The following SLC16A11 variants were observed in gnomAD, a reference collection of about 807,000 sequenced individuals.
SLC16A11 encodes the protein solute carrier family 16 member 11, also known as monocarboxylate transporter 11.
In SLC16A11, 24 loss-of-function variants were observed where a neutral mutation model predicts 26.0. That is an observed-to-expected ratio of 0.92 (90% confidence interval 0.67 to 1.30). SLC16A11 has a LOEUF of 1.30. Ranked by LOEUF, SLC16A11 falls within the 50% of genes most tolerant of loss-of-function variation. The probability of loss-of-function intolerance (pLI) is 0.00; values close to 1 mark genes in which losing one functional copy is unlikely to be tolerated. For missense variants in SLC16A11, 638 were observed against 597.7 expected (o/e 1.07, Z -0.70); for synonymous variants, 332 against 296.0 (o/e 1.12, Z -1.25).
chr17:7,043,710 G>A (rs529712396), intron 1 of SLC16A11, 65 bp downstream of exon 1: 25 of 1,197,302 alleles, frequency 2.1e-5, no homozygotes, highest in Non-Finnish European at 2.7e-5. Flanking sequence ...CGAGGTACGG[G>A]GACGGGGACA....
intron 1 of SLC16A11, 127 bp from the exon 2 acceptor site, chr17:7,043,646 C>A: frequency 6.7e-7 from 1 of 1,486,344 alleles, no homozygotes; most frequent in Non-Finnish European, 8.9e-7. Flanking sequence ...AGCGCGATGG[C>A]GCGGGGCGGA....
chr17:7,042,378 GTGGGGA>G lies in SLC16A11; in HGVS notation c.726_731del (p.Pro243_His244del), dbSNP rs760541463. 15 of 1,566,262 alleles carry G rather than the reference GTGGGGA, an allele frequency of 9.6e-6. No individual in the cohort carries two copies. In the African/African-American group the frequency reaches 2.0e-4, roughly 21 times the overall value. On this transcript the variant is annotated inframe_deletion, in exon 4 of 5. Transcript: ENST00000574600. The surrounding 1 kb of genome is among the most constrained non-coding windows in gnomAD (Gnocchi z 5.9). ...ATCCCCCCAGGCCCCGGTCTAAAGC[GTGGGGA>G]GCCAAGTGCACGTAAGGAACGAAGT...
rs774414745 is a variant in SLC16A11 at position 7,042,853 on chromosome 17, C to G, written c.346+77G>C. On this transcript the variant is annotated intron_variant, in intron 3 of 4. Transcript: ENST00000574600. This position sits in a 1 kb window ranked among gnomAD's most constrained non-coding sequence, Gnocchi z 5.9. ...GGCTCTCCGCACCAGGCCCCCGCCT[C>G]GTTCGCTACCCCAGATCCCAACAAG... 1.1e-5 allele frequency: 17 copies of G among 1,595,460 alleles called. No individual in the cohort carries two copies. Among genetic ancestry groups the G allele is most frequent in the Middle Eastern group, 1.7e-4 (1 of 6,044 alleles).
At chr17:7,043,616 G>A (rs1174219328) in intron 1 of SLC16A11, 97 bp from the exon 2 acceptor site, 1 of 1,504,216 alleles carries the variant, frequency 6.6e-7, no homozygotes, top group Non-Finnish European at 8.8e-7. Context: ...CTGCTCGCCC[G>A]GGGTGGGCCC....
In SLC16A11 at chr17:7,042,171, G is replaced by A. The variant is rs745524237; in HGVS notation, c.939C>T (p.Ser313=). 1.1e-5 allele frequency: 18 copies of A among 1,570,646 alleles called. No individual in the cohort carries two copies. Among genetic ancestry groups the A allele is most frequent in the Non-Finnish European group, 1.4e-5 (16 of 1,160,042 alleles). ...GLVPVVGGEE[S]WGGPLLAAAV... ...CCGCGGCCAGCAGGGGACCCCCCCA[G>A]CTCTCTTCGCCGCCCACCACGGGCA... The change falls in exon 4 of 5, where the codon AGC becomes AGT. Residue 313 remains serine, a synonymous_variant. Coordinates refer to ENST00000574600, the MANE Select transcript of SLC16A11 (RefSeq NM_001370549.1). This position sits in a 1 kb window ranked among gnomAD's most constrained non-coding sequence, Gnocchi z 5.9.
Position 7,041,891 on chromosome 17 carries a change from T to C in SLC16A11, c.1132A>G (p.Thr378Ala). 6.2e-7 allele frequency: 1 copy of C among 1,613,922 alleles called. No homozygotes were observed. Among genetic ancestry groups the C allele is most frequent in the Non-Finnish European group, 8.5e-7 (1 of 1,179,916 alleles). The stretch of plus-strand genomic sequence containing the variant: ...AGGAAAGAGGCGGTGAAGTCTCCTG[T>C]CTCATCCCTTAGGAAGCCTGAGGAG... Reference protein sequence around the residue: ...PPLSGFLRDETGDFTASFLLS... With the variant: ...PPLSGFLRDEAGDFTASFLLS... The change falls in exon 5 of 5, where the codon ACA becomes GCA. Residue 378 changes from threonine (T) to alanine (A), a missense_variant. Thr to Ala is a moderately conservative substitution (Grantham distance 58). Coordinates refer to ENST00000574600, the MANE Select transcript of SLC16A11 (RefSeq NM_001370549.1).
At position 7,041,921 on chromosome 17, in the gene SLC16A11, G is replaced by A. The variant is rs767993808; in HGVS notation, c.1115-13C>T. On this transcript the variant is annotated splice_polypyrimidine_tract_variant and intron_variant, in intron 4 of 4. Coordinates refer to ENST00000574600, the MANE Select transcript of SLC16A11 (RefSeq NM_001370549.1). The stretch of plus-strand genomic sequence containing the variant: ...TCCCTTAGGAAGCCTGAGGAGATGG[G>A]TAAGGGCATTTAGAAGCCTCGAACC... 26 of 1,612,556 alleles carry A rather than the reference G, an allele frequency of 1.6e-5. No homozygotes were observed. In the South Asian group the frequency reaches 2.7e-4, roughly 17 times the overall value.
rs1910854424 is a variant in SLC16A11, at chr17:7,043,354, C to T, written c.160G>A (p.Ala54Thr). Residue 54 changes from alanine to threonine, a missense_variant, in exon 2 of 5, where the codon GCG becomes ACG. By Grantham distance (58) the Ala-to-Thr change is moderately conservative (BLOSUM62 0). Coordinates refer to ENST00000574600, the MANE Select transcript of SLC16A11 (RefSeq NM_001370549.1). ...EHFDRSAQDT[A>T]WISALALAVQ... is the part of the protein sequence containing the mutation. ...GCCAGGGCCAGGGCGCTGATCCACGCAGTGTCCTGGGCGCTTCGGTCAAAG... is the reference window on the plus strand; with the variant it reads ...GCCAGGGCCAGGGCGCTGATCCACGTAGTGTCCTGGGCGCTTCGGTCAAAG... The T allele has an allele frequency of 2.5e-6, 4 of 1,610,512 alleles. No individual in the cohort carries two copies. Among genetic ancestry groups the T allele is most frequent in the Non-Finnish European group, 3.4e-6 (4 of 1,179,870 alleles).
In SLC16A11 at chr17:7,042,851, C is replaced by A; in HGVS notation, c.346+79G>T. The A allele has an allele frequency of 6.3e-7, 1 of 1,593,990 alleles. No individual in the cohort carries two copies. The highest frequency in any genetic ancestry group is 8.5e-7 in the Non-Finnish European group (1 of 1,170,792). The stretch of plus-strand genomic sequence containing the variant: ...CCGGCTCTCCGCACCAGGCCCCCGC[C>A]TCGTTCGCTACCCCAGATCCCAACA... On this transcript the variant is annotated intron_variant, in intron 3 of 4. Transcript: ENST00000574600. The surrounding 1 kb of genome is among the most constrained non-coding windows in gnomAD (Gnocchi z 5.9).
Position 7,042,192 on chromosome 17 carries a change from G to T in SLC16A11, c.918C>A (p.Pro306=). 6.4e-7 allele frequency: 1 copy of T among 1,569,080 alleles called. No homozygotes were observed. The highest frequency in any genetic ancestry group is 1.2e-5 in the South Asian group (1 of 86,256). Residue 306 remains proline, a synonymous_variant, in exon 4 of 5, where the codon CCC becomes CCA. Transcript: ENST00000574600. This position sits in a 1 kb window ranked among gnomAD's most constrained non-coding sequence, Gnocchi z 5.9. ...GLGLWVVGLV[P]VVGGEESWGG... ...CCCAGCTCTCTTCGCCGCCCACCAC[G>T]GGCACCAGCCCCACCACCCACAGCC...
Position 7,042,827 on chromosome 17 carries a change from C to A in SLC16A11, c.347-64G>T, listed in dbSNP as rs1229605985. On this transcript the variant is annotated intron_variant, in intron 3 of 4. Coordinates refer to ENST00000574600, the MANE Select transcript of SLC16A11 (RefSeq NM_001370549.1). The surrounding 1 kb of genome is among the most constrained non-coding windows in gnomAD (Gnocchi z 5.9). ...GACGCCCGCCCCAGCATTCCCAGCCCGGCTCTCCGCACCAGGCCCCCGCCT... is the reference window on the plus strand; with the variant it reads ...GACGCCCGCCCCAGCATTCCCAGCCAGGCTCTCCGCACCAGGCCCCCGCCT... The A allele has an allele frequency of 6.4e-7, 1 of 1,567,446 alleles. No individual in the cohort carries two copies. Among genetic ancestry groups the A allele is most frequent in the Admixed American group, 1.9e-5 (1 of 53,458 alleles).
chr17:7,042,695 C>T lies in SLC16A11; in HGVS notation c.415G>A (p.Val139Ile), dbSNP rs1023411267. ...GTGAGCGCCAGCCCCACCGCCAAGA[C>T]TCGACGGCGGGAGAAGTAACGCGAG... ...TLSRYFSRRR[V>I]LAVGLALTGN... The change falls in exon 4 of 5, where the codon GTC becomes ATC. Residue 139 changes from valine (V) to isoleucine (I), a missense_variant. By Grantham distance (29) the Val-to-Ile change is conservative (BLOSUM62 3). Coordinates refer to ENST00000574600, the MANE Select transcript of SLC16A11 (RefSeq NM_001370549.1). This position sits in a 1 kb window ranked among gnomAD's most constrained non-coding sequence, Gnocchi z 5.9. The T allele has an allele frequency of 6.4e-7, 1 of 1,551,200 alleles. No homozygotes were observed.
rs1443006706 is a variant in SLC16A11 at position 7,041,835 on chromosome 17, G to A, written c.1188C>T (p.Ser396=). 1.9e-6 allele frequency: 3 copies of A among 1,614,024 alleles called. No homozygotes were observed. The highest frequency in any genetic ancestry group is 2.5e-6 in the Non-Finnish European group (3 of 1,179,970). Residue 396 remains serine, a synonymous_variant, in exon 5 of 5, where the codon AGC becomes AGT. Coordinates refer to ENST00000574600, the MANE Select transcript of SLC16A11 (RefSeq NM_001370549.1). ...LLSGSLILSG[S]FIYIGLPRAL... The stretch of plus-strand genomic sequence containing the variant: ...CCCTGGGCAACCCTATGTAGATGAA[G>A]CTGCCGGAGAGGATCAAAGAACCAG...
Position 7,043,069 on chromosome 17 carries a change from G to A in SLC16A11, c.207C>T (p.Pro69=), listed in dbSNP as rs1276376958. 1.9e-6 allele frequency: 3 copies of A among 1,545,344 alleles called. No homozygotes were observed. Among genetic ancestry groups the A allele is most frequent in the Non-Finnish European group, 2.6e-6 (3 of 1,145,400 alleles). Residue 69 remains proline (P), a synonymous_variant, in exon 3 of 5, where the codon CCC becomes CCT. Coordinates refer to ENST00000574600, the MANE Select transcript of SLC16A11 (RefSeq NM_001370549.1). Reference sequence around the variant, plus strand: ...AGCGCGTGCTCAGGGCGCTGCCCACGGGGCCTGAAAGGGGGCGGAGTCAAC... The same window carrying A: ...AGCGCGTGCTCAGGGCGCTGCCCACAGGGCCTGAAAGGGGGCGGAGTCAAC... ...LALAVQQAAS[P]VGSALSTRWG...
chr17:7,041,973 G>A, intron 4 of SLC16A11, 23 bp downstream of exon 4: 1 of 1,593,086 alleles, frequency 6.3e-7, no homozygotes, highest in South Asian at 1.1e-5. Flanking sequence ...GTTGTAGGCA[G>A]ATCTGTGAGC....
chr17:7,042,696 T>C lies in SLC16A11; in HGVS notation c.414A>G (p.Arg138=). 6.4e-7 allele frequency: 1 copy of C among 1,550,564 alleles called. No individual in the cohort carries two copies. Among genetic ancestry groups the C allele is most frequent in the East Asian group, 2.3e-5 (1 of 42,684 alleles). The change falls in exon 4 of 5, where the codon CGA becomes CGG. Residue 138 remains arginine (R), a synonymous_variant. Transcript: ENST00000574600. This position sits in a 1 kb window ranked among gnomAD's most constrained non-coding sequence, Gnocchi z 5.9. ...TGAGCGCCAGCCCCACCGCCAAGAC[T>C]CGACGGCGGGAGAAGTAACGCGAGA... ...GTLSRYFSRR[R]VLAVGLALTG... is the part of the protein sequence containing the mutation.
At position 7,042,578 on chromosome 17, in the gene SLC16A11, C is replaced by T. The variant is rs944076129; in HGVS notation, c.532G>A (p.Ala178Thr). ...CAGGGGGTGAGGTGGAGGGTGATCGCGCCGAGGAGGAGCAGAGCGCCCCGC... is the reference window on the plus strand; with the variant it reads ...CAGGGGGTGAGGTGGAGGGTGATCGTGCCGAGGAGGAGCAGAGCGCCCCGC... ...GWRGALLLLG[A>T]ITLHLTPCGA... The change falls in exon 4 of 5, where the codon GCG (alanine) becomes ACG (threonine). Residue 178 changes from alanine to threonine, a missense_variant. By Grantham distance (58) the Ala-to-Thr change is moderately conservative. Coordinates refer to ENST00000574600, the MANE Select transcript of SLC16A11 (RefSeq NM_001370549.1). This position sits in a 1 kb window ranked among gnomAD's most constrained non-coding sequence, Gnocchi z 5.9. 2.5e-6 allele frequency: 4 copies of T among 1,583,286 alleles called. No individual in the cohort carries two copies. The South Asian group carries it at 4.6e-5, about 18-fold the overall frequency.
Position 7,041,764 on chromosome 17 carries a change from G to C in SLC16A11, c.1259C>G (p.Pro420Arg). The C allele has an allele frequency of 6.2e-7, 1 of 1,613,614 alleles. No individual in the cohort carries two copies. The highest frequency in any genetic ancestry group is 8.5e-7 in the Non-Finnish European group (1 of 1,179,952). Residue 420 changes from proline to arginine, a missense_variant, in exon 5 of 5, where the codon CCA (proline) becomes CGA (arginine). Pro to Arg is a moderately radical substitution (Grantham distance 103). Transcript: ENST00000574600. ...AGCGGGAAGCAGCTCCCCCGTCTCT[G>C]GGGGAGGCGTGGCTGGAGGGGAGGC... ...GPASPPATPP[P>R]ETGELLPAPQ...
chr17:7,041,664 C>A lies in SLC16A11; in HGVS notation c.*15G>T. On this transcript the variant is annotated 3_prime_UTR_variant, in exon 5 of 5. Coordinates refer to ENST00000574600, the MANE Select transcript of SLC16A11 (RefSeq NM_001370549.1). ...AAAATTCTTTATTGGGGGAGGGGCTCAAACAAGAAAATAATCAACAAGTGG... is the reference window on the plus strand; with the variant it reads ...AAAATTCTTTATTGGGGGAGGGGCTAAAACAAGAAAATAATCAACAAGTGG... 1 of 1,567,468 alleles carries A rather than the reference C, an allele frequency of 6.4e-7. No homozygotes were observed. Among genetic ancestry groups the A allele is most frequent in the South Asian group, 1.2e-5 (1 of 85,906 alleles).
Sources: allele counts gnomAD v4.1 joint callset, GRCh38; gene constraint gnomAD v4.1.1; non-coding constraint Gnocchi (gnomAD v3.1); transcripts MANE v1.5; gene names NCBI Gene and HGNC (gene_info 2026-07-23, HGNC 2026-07-21).